Variants in PRKD1 observed in about 807,000 individuals in gnomAD.
PRKD1 encodes the protein protein kinase D1, also known as serine/threonine-protein kinase D1.
In PRKD1, 63 loss-of-function variants were observed where a neutral mutation model predicts 95.9. The observed-to-expected ratio is 0.66, with a 90% confidence interval of 0.54 to 0.81. PRKD1 has a LOEUF of 0.81. Among genes scored for constraint, PRKD1 ranks in the 30% least tolerant of loss-of-function variants. PRKD1 has a pLI of 0.00. For synonymous variants in PRKD1, 425 were observed against 423.1 expected (o/e 1.00, Z -0.05); for missense variants, 1,048 against 1,165.3 (o/e 0.90, Z 1.47).
At chr14:29,831,449 G>T (rs80067097) in intron 1 of PRKD1, among the ~76,000 whole-genome samples, 2,724 of 128,522 alleles carry the variant, frequency 0.021, 74 homozygotes, top group African/African-American at 0.07. Context: ...AGAATGTTTG[G>T]TTTTTTTTTT....
intron 16 of PRKD1, among the ~76,000 whole-genome samples, chr14:29,579,758 A>C (rs1892691790): frequency 1.3e-5 from 2 of 152,164 alleles, no homozygotes; most frequent in African/African-American, 4.8e-5. Flanking sequence ...TCAAACAATT[A>C]TTTGGAGAAA....
At chr14:29,640,117 C>T (rs1161649566) in intron 4 of PRKD1, among the ~76,000 whole-genome samples, 1 of 152,040 alleles carries the variant, frequency 6.6e-6, no homozygotes, top group African/African-American at 2.4e-5. Context: ...GTATTAGGTG[C>T]CTTAAAAGAC....
intron 1 of PRKD1, among the ~76,000 whole-genome samples, chr14:29,797,835 C>A (rs1889880214): frequency 6.6e-6 from 1 of 152,156 alleles, no homozygotes; most frequent in African/African-American, 2.4e-5. Flanking sequence ...TATTGCATTT[C>A]TTTTTCTAGA....
intron 3 of PRKD1, among the ~76,000 whole-genome samples, chr14:29,664,829 G>A (rs149488622): frequency 4.3e-4 from 66 of 152,280 alleles, no homozygotes; most frequent in Non-Finnish European, 7.4e-4. Flanking sequence ...TATGTTGTTG[G>A]TGCAGAAATG....
intron 4 of PRKD1, among the ~76,000 whole-genome samples, chr14:29,651,716 A>G (rs1179168909): frequency 2.0e-5 from 3 of 151,500 alleles, no homozygotes; most frequent in Non-Finnish European, 4.4e-5. Context: ...AACATAAGTA[A>G]CCTTTTTTTC....
At chr14:29,613,797 C>T (rs1360909962) in intron 13 of PRKD1, among the ~76,000 whole-genome samples, 1 of 152,160 alleles carries the variant, frequency 6.6e-6, no homozygotes, top group African/African-American at 2.4e-5. Flanking sequence ...CTGGTCTTAT[C>T]GCAGGCTTTG....
intron 1 of PRKD1, among the ~76,000 whole-genome samples, chr14:29,889,496 C>T (rs1893862221): frequency 1.3e-5 from 2 of 152,086 alleles, no homozygotes; most frequent in South Asian, 4.1e-4. Flanking sequence ...GAGTGACTGT[C>T]CATCAATAAT....
At position 29,793,988 on chromosome 14, in the gene PRKD1, G is replaced by A. The variant is rs45460295; in HGVS notation, c.265-68314C>T. 3.1e-3 allele frequency among the ~76,000 whole-genome samples: 472 copies of A among 152,090 alleles called. 5 individuals are homozygous for A. Among genetic ancestry groups the A allele is most frequent in the African/African-American group, 0.01 (433 of 41,514 alleles). On this transcript the variant is annotated intron_variant, in intron 1 of 17. Transcript: ENST00000331968. ...ACACAAGCAGATCTTTACTGTGGCC[G>A]TTTTAAATCAAGCGTATTAGCCGTG...
At chr14:29,663,462 C>T (rs1038455517) in intron 4 of PRKD1, among the ~76,000 whole-genome samples, 8 of 152,012 alleles carry the variant, frequency 5.3e-5, no homozygotes, top group Non-Finnish European at 1.0e-4. Context: ...CCTGTGACCA[C>T]GATAAAACCT....
chr14:29,904,441 T>C (rs943202922), intron 1 of PRKD1, among the ~76,000 whole-genome samples: 3 of 152,260 alleles, frequency 2.0e-5, no homozygotes, highest in Admixed American at 2.0e-4. Context: ...ACCTGCAAAA[T>C]AAGGATAATA....
chr14:29,594,764 G>C (rs1366982732), intron 16 of PRKD1, among the ~76,000 whole-genome samples: 3 of 152,122 alleles, frequency 2.0e-5, no homozygotes, highest in Non-Finnish European at 4.4e-5. Context: ...ACGATTAATA[G>C]TTGTGCTGGT....
chr14:29,874,712 T>C (rs1594594298), intron 1 of PRKD1, among the ~76,000 whole-genome samples: 1 of 152,156 alleles, frequency 6.6e-6, no homozygotes, highest in Non-Finnish European at 1.5e-5. Flanking sequence ...CTAGAGGTCA[T>C]TATGTTAAGT....
At chr14:29,861,299 T>C (rs1000556521) in intron 1 of PRKD1, among the ~76,000 whole-genome samples, 3 of 152,200 alleles carry the variant, frequency 2.0e-5, no homozygotes, top group African/African-American at 7.2e-5. Context: ...AAATACCAGA[T>C]GCCCTGACTT....
At chr14:29,889,849 C>T (rs796829510) in intron 1 of PRKD1, among the ~76,000 whole-genome samples, 1 of 152,176 alleles carries the variant, frequency 6.6e-6, no homozygotes, top group African/African-American at 2.4e-5. Context: ...AACAAACCTG[C>T]ACGTTGTGCA....
At chr14:29,612,126 C>T (rs1878512085) in intron 13 of PRKD1, among the ~76,000 whole-genome samples, 1 of 152,154 alleles carries the variant, frequency 6.6e-6, no homozygotes, top group African/African-American at 2.4e-5. Flanking sequence ...GTAGGGTCTA[C>T]TGGACAAGGT....
chr14:29,655,632 C>T (rs1286421785), intron 4 of PRKD1, among the ~76,000 whole-genome samples: 1 of 152,074 alleles, frequency 6.6e-6, no homozygotes, highest in African/African-American at 2.4e-5. Context: ...TAATACTTGA[C>T]CTAAATACTT....
intron 2 of PRKD1, among the ~76,000 whole-genome samples, chr14:29,704,231 A>G (rs574544101): frequency 3.3e-5 from 5 of 152,216 alleles, no homozygotes; most frequent in African/African-American, 1.2e-4. Flanking sequence ...TGACTCAGAA[A>G]TAAAACATGT....
At chr14:29,709,968 C>G (rs1885264173) in intron 2 of PRKD1, among the ~76,000 whole-genome samples, 1 of 152,132 alleles carries the variant, frequency 6.6e-6, no homozygotes, top group Non-Finnish European at 1.5e-5. Flanking sequence ...GTTGGTTATA[C>G]TGATATTCAC....
At chr14:29,774,557 A>C (rs1888650623) in intron 1 of PRKD1, among the ~76,000 whole-genome samples, 1 of 152,226 alleles carries the variant, frequency 6.6e-6, no homozygotes, top group Non-Finnish European at 1.5e-5. Context: ...AGGTGGAAAT[A>C]CTAAGGCATA....
Sources: allele counts gnomAD v4.1 joint callset (sites outside exome capture counted in the v4.1 genomes callset), GRCh38; gene constraint gnomAD v4.1.1; transcripts MANE v1.5; gene names NCBI Gene and HGNC (gene_info 2026-07-23, HGNC 2026-07-21).